The following DST variants were observed in gnomAD, a reference collection of about 807,000 sequenced individuals.
DST encodes the protein dystonin, also known as bullous pemphigoid antigen.
In DST, 253 loss-of-function variants were observed where a neutral mutation model predicts 875.2. The observed-to-expected ratio is 0.29, with a 90% confidence interval of 0.26 to 0.32. The LOEUF (loss-of-function observed/expected upper bound fraction) is 0.32. DST is among the 10% of genes least tolerant of loss of function. The pLI, the probability that DST is intolerant of heterozygous loss-of-function variation, is 1.00. For missense variants in DST, 8,287 were observed against 9,111.6 expected, an observed-to-expected ratio of 0.91 and a Z score of 3.68; for synonymous variants, 3,124 against 3,197.1, an observed-to-expected ratio of 0.98 and a Z score of 0.77.
At chr6:56,939,670 T>A (rs1416828396) in intron 2 of DST, among the ~76,000 whole-genome samples, 1 of 152,146 alleles carries the variant, frequency 6.6e-6, no homozygotes, top group Non-Finnish European at 1.5e-5. Context: ...ATTTTTTTAT[T>A]TCTTTTTTAT....
intron 4 of DST, among the ~76,000 whole-genome samples, chr6:56,782,253 G>C (rs2099695665): frequency 6.6e-6 from 1 of 152,196 alleles, no homozygotes; most frequent in Non-Finnish European, 1.5e-5. Context: ...GAGTGAGGGA[G>C]GATTCCCTCT....
intron 36 of DST, chr6:56,614,859 G>A: frequency 1.0e-6 from 1 of 993,758 alleles, no homozygotes; most frequent in Non-Finnish European, 1.2e-6. Flanking sequence ...AAGGCTGATA[G>A]AATAGAGAAC....
chr6:56,717,251 A>T (rs1317243869), intron 5 of DST, among the ~76,000 whole-genome samples: 1 of 152,130 alleles, frequency 6.6e-6, no homozygotes, highest in Non-Finnish European at 1.5e-5. Context: ...CCTGGCAAGC[A>T]CAGTTCACAA....
intron 61 of DST, 50 bp from the exon 62 acceptor site, chr6:56,536,990 C>T (rs1005192630): frequency 2.0e-6 from 3 of 1,511,814 alleles, no homozygotes; most frequent in African/African-American, 2.8e-5. Context: ...CTATCAACCG[C>T]CAAATATATA....
At chr6:56,539,227 T>C (rs1284233138) in intron 61 of DST, among the ~76,000 whole-genome samples, 5 of 152,136 alleles carry the variant, frequency 3.3e-5, no homozygotes, top group East Asian at 1.9e-4. Flanking sequence ...GTAAATCTGA[T>C]AGTTTTCTAA....
chr6:56,912,641 T>C (rs907828225), intron 2 of DST, among the ~76,000 whole-genome samples: 2 of 152,204 alleles, frequency 1.3e-5, no homozygotes, highest in African/African-American at 4.8e-5. Flanking sequence ...CTCGCTCATG[T>C]CACGCATAGA....
chr6:56,517,075 C>T (rs1254855239), intron 71 of DST, 123 bp downstream of exon 71: 3 of 736,368 alleles, frequency 4.1e-6, no homozygotes, highest in Admixed American at 2.5e-5. Flanking sequence ...CTTATTTAAA[C>T]TAATTATTTT....
At chr6:56,819,088 T>C (rs537396953) in intron 4 of DST, among the ~76,000 whole-genome samples, 1 of 152,288 alleles carries the variant, frequency 6.6e-6, no homozygotes, top group Non-Finnish European at 1.5e-5. Flanking sequence ...ACTAAAACAC[T>C]TCCTTTAAGC....
At chr6:56,550,331 T>C (rs1318733061) in intron 61 of DST, among the ~76,000 whole-genome samples, 1 of 152,212 alleles carries the variant, frequency 6.6e-6, no homozygotes, top group East Asian at 1.9e-4. Context: ...ATCAACTCTT[T>C]CCAAATAATC....
At chr6:56,819,053 C>A (rs1243703689) in intron 4 of DST, among the ~76,000 whole-genome samples, 1 of 152,082 alleles carries the variant, frequency 6.6e-6, no homozygotes, top group Admixed American at 6.6e-5. Context: ...TTATCTATAC[C>A]AAGGATGACA....
Position 56,517,633 on chromosome 6 carries a change from T to C in DST, c.18130-13A>G. 1 of 1,610,258 alleles carries C rather than the reference T, an allele frequency of 6.2e-7. No homozygotes were observed. Among genetic ancestry groups the C allele is most frequent in the South Asian group, 1.1e-5 (1 of 90,426 alleles). On this transcript the variant is annotated splice_polypyrimidine_tract_variant and intron_variant, in intron 69 of 103. Coordinates refer to ENST00000680361, the MANE Select transcript of DST (RefSeq NM_001374736.1). ...CTGCTTGGTCAAACTAAACAAAAGA[T>C]AAATAATTAGGTCAGCACGTTCCCG...
At chr6:56,482,494 C>A in intron 89 of DST, 189 bp downstream of exon 89, 1 of 574,680 alleles carries the variant, frequency 1.7e-6, no homozygotes, top group African/African-American at 1.9e-5. Flanking sequence ...AGAATGCCTC[C>A]CTCTAGCAGT....
intron 4 of DST, among the ~76,000 whole-genome samples, chr6:56,789,894 G>A (rs950956579): frequency 2.6e-5 from 4 of 152,124 alleles, no homozygotes; most frequent in East Asian, 1.9e-4. Flanking sequence ...TGTAAATAAC[G>A]CTGCTATGTA....
rs768961187 is a variant in DST, at chr6:56,603,829, C to CCG, written c.10791+7_10791+8insCG. ...CTTTTTCTGTATAAAATGTATAGGT[C>CCG]AACTTACTTGTTCGGTTGAGCTATC... On this transcript the variant is annotated splice_region_variant and intron_variant, in intron 40 of 103. Coordinates refer to ENST00000680361, the MANE Select transcript of DST (RefSeq NM_001374736.1). 4 of 1,605,134 alleles carry CCG rather than the reference C, an allele frequency of 2.5e-6. No individual in the cohort carries two copies. The highest frequency in any genetic ancestry group is 1.7e-6 in the Non-Finnish European group (2 of 1,176,362).
At chr6:56,492,874 A>C in intron 84 of DST, 60 bp downstream of exon 84, 1 of 1,306,236 alleles carries the variant, frequency 7.7e-7, no homozygotes, top group Non-Finnish European at 1.0e-6. Flanking sequence ...CAGTCTCAAA[A>C]AAAAAAAAAA....
In DST at chr6:56,627,992, T is replaced by C. The variant is rs185349093; in HGVS notation, c.4638+7A>G. The C allele has an allele frequency of 6.2e-7, 1 of 1,613,426 alleles. No individual in the cohort carries two copies. The highest frequency in any genetic ancestry group is 1.1e-5 in the South Asian group (1 of 91,072). On this transcript the variant is annotated splice_region_variant and intron_variant, in intron 33 of 103. Transcript: ENST00000680361. Reference sequence around the variant, plus strand: ...TAACCTCAGTAGAGGGAATTATTTTTACATACCTTCTGTTGATTCAACTGT... The same window carrying C: ...TAACCTCAGTAGAGGGAATTATTTTCACATACCTTCTGTTGATTCAACTGT...
Position 56,642,517 on chromosome 6 carries a change from C to T in DST, c.1779-14G>A. On this transcript the variant is annotated splice_polypyrimidine_tract_variant and intron_variant, in intron 15 of 103. Transcript: ENST00000680361. ...AACATTTCTAACCTAAAAGATGAGA[C>T]AAAATAAAATAAAGCTTCTCCCTTT... is the stretch of plus-strand genomic sequence containing the variant. The T allele has an allele frequency of 6.2e-7, 1 of 1,610,402 alleles. No individual in the cohort carries two copies. The highest frequency in any genetic ancestry group is 8.5e-7 in the Non-Finnish European group (1 of 1,176,688).
intron 2 of DST, among the ~76,000 whole-genome samples, chr6:56,936,286 T>C (rs1021821035): frequency 1.3e-5 from 2 of 152,220 alleles, no homozygotes; most frequent in African/African-American, 4.8e-5. Flanking sequence ...CTGAATAGAA[T>C]GCATTGAGCA....
intron 2 of DST, among the ~76,000 whole-genome samples, chr6:56,914,918 A>G (rs1157488614): frequency 6.6e-6 from 1 of 152,238 alleles, no homozygotes; most frequent in Non-Finnish European, 1.5e-5. Context: ...AAGCTAAGGA[A>G]GGCAAATGAG....
Sources: allele counts gnomAD v4.1 joint callset (sites outside exome capture counted in the v4.1 genomes callset), GRCh38; gene constraint gnomAD v4.1.1; transcripts MANE v1.5; gene names NCBI Gene and HGNC (gene_info 2026-07-23, HGNC 2026-07-21).